RORA: variants seen among roughly 807,000 people sequenced by gnomAD.
RORA encodes the protein RAR related orphan receptor A, also known as nuclear receptor ROR-alpha.
RORA carries 7 observed loss-of-function variants against 69.5 expected under a neutral mutation model. The observed-to-expected ratio is 0.10, with a 90% CI of 0.06 to 0.19. RORA has a LOEUF of 0.19. Among genes scored for constraint, RORA ranks in the 10% least tolerant of loss-of-function variants. The probability of loss-of-function intolerance (pLI) is 1.00; values close to 1 mark genes in which losing one functional copy is unlikely to be tolerated. For missense variants in RORA, 457 were observed against 663.0 expected, an observed-to-expected ratio of 0.69 and a Z score of 3.41; for synonymous variants, 261 against 240.8, an observed-to-expected ratio of 1.08 and a Z score of -0.78.
At chr15:61,010,392 T>A (rs1392838861) in intron 1 of RORA, among the ~76,000 whole-genome samples, 1 of 152,208 alleles carries the variant, frequency 6.6e-6, no homozygotes, top group East Asian at 1.9e-4. Flanking sequence ...AGACGGTCCA[T>A]ATCCTAGACC....
intron 6 of RORA, 67 bp from the exon 7 acceptor site, chr15:60,503,734 A>AGTT: frequency 6.3e-7 from 1 of 1,587,536 alleles, no homozygotes; most frequent in South Asian, 1.1e-5. Flanking sequence ...GAAGCTGCAG[A>AGTT]GTTATGAAAG....
rs151154222 is a variant in RORA at position 60,997,905 on chromosome 15, G to C, written c.166+231148C>G. 2.7e-3 allele frequency among the ~76,000 whole-genome samples: 410 copies of C among 152,222 alleles called. 2 individuals carry two copies. Among genetic ancestry groups the C allele is most frequent in the African/African-American group, 9.4e-3 (391 of 41,542 alleles). On this transcript the variant is annotated intron_variant, in intron 1 of 10. Transcript: ENST00000335670. ...TAACCTCAAGGAAACCATTTATTAG[G>C]CTTAATCAAAACATAATACTCTTGT...
At position 60,575,730 on chromosome 15, in the gene RORA, G is replaced by T. The variant is rs1225690019; in HGVS notation, c.197-43879C>A. On this transcript the variant is annotated intron_variant, in intron 2 of 10. Coordinates refer to ENST00000335670, the MANE Select transcript of RORA (RefSeq NM_134261.3). Reference sequence around the variant, plus strand: ...TTTCCATGCCTGGGTCAAAATCACCGAATAATGCAAAACTTAGCTTATAAA... The same window carrying T: ...TTTCCATGCCTGGGTCAAAATCACCTAATAATGCAAAACTTAGCTTATAAA... 3.9e-5 allele frequency among the ~76,000 whole-genome samples: 6 copies of T among 152,228 alleles called. No homozygotes were observed. The East Asian group carries it at 1.2e-3, about 29-fold the overall frequency.
intron 1 of RORA, among the ~76,000 whole-genome samples, chr15:61,138,805 A>T (rs570232421): frequency 1.3e-5 from 2 of 152,322 alleles, no homozygotes; most frequent in East Asian, 3.9e-4. Context: ...GATAAATGCC[A>T]TGACAGGGAC....
chr15:61,085,812 G>A (rs892225148), intron 1 of RORA, among the ~76,000 whole-genome samples: 15 of 152,198 alleles, frequency 9.9e-5, no homozygotes, highest in Admixed American at 9.2e-4. Context: ...GCAAAGACAA[G>A]CAGCATAGAT....
rs1243901422 is a variant in RORA, at chr15:60,892,498, C to T, written c.167-213812G>A. ...CTGCCCAATCCTCCAAAAGTCCCCG[C>T]CTTTATGCTTTTTTTAAGTGAGCAC... On this transcript the variant is annotated intron_variant, in intron 1 of 10. Transcript: ENST00000335670. Among the ~76,000 whole-genome samples, 5 of 152,098 alleles carry T rather than the reference C, an allele frequency of 3.3e-5. No homozygotes were observed. The East Asian group carries it at 9.6e-4, about 29-fold the overall frequency.
intron 1 of RORA, among the ~76,000 whole-genome samples, chr15:60,951,792 T>C (rs539313627): frequency 7.2e-5 from 11 of 152,284 alleles, no homozygotes; most frequent in South Asian, 4.1e-4. Flanking sequence ...ATTGTGGCAA[T>C]AGTCAATAAT....
chr15:60,730,639 T>C (rs1048406836), intron 1 of RORA, among the ~76,000 whole-genome samples: 1 of 152,236 alleles, frequency 6.6e-6, no homozygotes, highest in African/African-American at 2.4e-5. Flanking sequence ...GATGCATGTA[T>C]GTGTGTGCTC....
intron 1 of RORA, among the ~76,000 whole-genome samples, chr15:60,960,332 A>T (rs1290367375): frequency 6.6e-6 from 1 of 152,226 alleles, no homozygotes; most frequent in African/African-American, 2.4e-5. Flanking sequence ...CAAGCAAATG[A>T]GCCAGCCATT....
chr15:60,852,812 C>T lies in RORA; in HGVS notation c.167-174126G>A, dbSNP rs144860919. On this transcript the variant is annotated intron_variant, in intron 1 of 10. Coordinates refer to ENST00000335670, the MANE Select transcript of RORA (RefSeq NM_134261.3). ...TGGCCTAAATGGCTGTGGTTCCTCT[C>T]GGATGACAAGATTTCTGGTGCAATA... 9.9e-5 allele frequency among the ~76,000 whole-genome samples: 15 copies of T among 151,618 alleles called. No homozygotes were observed. In the East Asian group the frequency reaches 2.1e-3, roughly 22 times the overall value.
At chr15:61,031,131 G>A (rs764546689) in intron 1 of RORA, among the ~76,000 whole-genome samples, 1 of 152,122 alleles carries the variant, frequency 6.6e-6, no homozygotes, top group Non-Finnish European at 1.5e-5. Flanking sequence ...AAAGGGGTAA[G>A]AGAAACAACG....
chr15:60,627,541 G>A (rs2069624103), intron 2 of RORA: 3 of 1,394,232 alleles, frequency 2.2e-6, no homozygotes, highest in Non-Finnish European at 2.8e-6. Flanking sequence ...TGCTGCCATG[G>A]GCAGTGGAAT....
intron 1 of RORA, among the ~76,000 whole-genome samples, chr15:60,854,060 G>A (rs547640348): frequency 6.6e-5 from 10 of 152,164 alleles, no homozygotes; most frequent in African/African-American, 1.9e-4. Context: ...TGAAGAGATC[G>A]AGACCATCCT....
At chr15:60,525,759 A>C (rs1027083507) in intron 3 of RORA, among the ~76,000 whole-genome samples, 30 of 152,206 alleles carry the variant, frequency 2.0e-4, no homozygotes, top group Non-Finnish European at 2.5e-4. Context: ...GTCTGAGACT[A>C]AGAAAAGTAG....
intron 2 of RORA, among the ~76,000 whole-genome samples, chr15:60,557,805 T>C (rs540028332): frequency 6.6e-6 from 1 of 152,324 alleles, no homozygotes; most frequent in Non-Finnish European, 1.5e-5. Flanking sequence ...CTTTAGTAAG[T>C]AATTGGGATA....
intron 1 of RORA, among the ~76,000 whole-genome samples, chr15:60,849,550 T>C (rs1344002698): frequency 2.0e-5 from 3 of 152,200 alleles, no homozygotes; most frequent in African/African-American, 7.2e-5. Flanking sequence ...GGGCACATCA[T>C]AAAACATGGC....
chr15:60,558,024 GT>G, intron 2 of RORA: 1 of 383,704 alleles, frequency 2.6e-6, no homozygotes, highest in African/African-American at 2.1e-5. Flanking sequence ...AGAGCAGGAT[GT>G]TTGGCCTCTG....
chr15:60,563,119 G>A (rs569172840), intron 2 of RORA, among the ~76,000 whole-genome samples: 2 of 152,022 alleles, frequency 1.3e-5, no homozygotes, highest in Non-Finnish European at 2.9e-5. Flanking sequence ...AAGTGAACAC[G>A]GAGTCAGTCT....
rs375339096 is a variant in RORA at position 60,652,749 on chromosome 15, A to T, written c.196+25908T>A. On this transcript the variant is annotated intron_variant, in intron 2 of 10. Coordinates refer to ENST00000335670, the MANE Select transcript of RORA (RefSeq NM_134261.3). Reference sequence around the variant, plus strand: ...TCCATCAAGTGCACAGAACACATTTAACCATTTTGAAACACTTAACATTTA... The same window carrying T: ...TCCATCAAGTGCACAGAACACATTTTACCATTTTGAAACACTTAACATTTA... Among the ~76,000 whole-genome samples the T allele has an allele frequency of 5.3e-5, 8 of 152,232 alleles. No individual in the cohort carries two copies. The East Asian group carries it at 9.6e-4, about 18-fold the overall frequency.
Sources: gnomAD v4.1 joint callset for allele counts (sites outside exome capture counted in the v4.1 genomes callset) on GRCh38, gnomAD v4.1.1 for gene constraint, MANE v1.5 for transcripts, NCBI Gene and HGNC (gene_info 2026-07-23, HGNC 2026-07-21) for gene names.